The following PCDHGA1 variants were observed in gnomAD, a reference collection of about 807,000 sequenced individuals.
PCDHGA1 encodes protocadherin gamma subfamily A, 1.
A neutral mutation model predicts 58.0 loss-of-function variants in PCDHGA1; 32 were observed. That is an observed-to-expected ratio of 0.55 (90% CI 0.42 to 0.74). The LOEUF (loss-of-function observed/expected upper bound fraction) is 0.74, where lower values mean the gene tolerates loss of function less well. Ranked by LOEUF, PCDHGA1 falls within the 30% of genes least tolerant of loss-of-function variation. The pLI is 0.00. For synonymous variants in PCDHGA1, 498 were observed against 501.1 expected (o/e 0.99, Z 0.08); for missense variants, 1,205 against 1,182.3 (o/e 1.02, Z -0.28).
intron 1 of PCDHGA1, chr5:141,410,939 C>T (rs960754863): frequency 5.1e-5 from 10 of 195,446 alleles, no homozygotes; most frequent in South Asian, 1.1e-4. Flanking sequence ...CTGCAACCTC[C>T]GCCTTCTGGG....
At chr5:141,395,557 T>C (rs1405901510) in intron 1 of PCDHGA1, 1 of 136,750 alleles carries the variant, frequency 7.3e-6, no homozygotes, top group East Asian at 1.5e-4. Context: ...TGTGTGTGTG[T>C]GTGTGTGTGT....
At chr5:141,424,297 A>G (rs2096812591) in intron 1 of PCDHGA1, 1 of 152,466 alleles carries the variant, frequency 6.6e-6, no homozygotes, top group African/African-American at 2.4e-5. Flanking sequence ...TCTTCATCCT[A>G]TCAACACAGA....
In PCDHGA1 at chr5:141,428,146, C is replaced by G. The variant is rs549173211; in HGVS notation, c.2422-66661C>G. The G allele has an allele frequency of 1.3e-5, 21 of 1,589,348 alleles. No individual in the cohort carries two copies. The East Asian group carries it at 4.0e-4, about 30-fold the overall frequency. Reference sequence around the variant, plus strand: ...GGGCTTTTCAGCCTGGGGCTGCACACGGGAACCTGCTGGTTGCTGTGCGTG... The same window carrying G: ...GGGCTTTTCAGCCTGGGGCTGCACAGGGGAACCTGCTGGTTGCTGTGCGTG... On this transcript the variant is annotated intron_variant, in intron 1 of 3. Transcript: ENST00000517417.
At chr5:141,336,449 A>T (rs1756620099) in intron 1 of PCDHGA1, among the ~76,000 whole-genome samples, 1 of 152,258 alleles carries the variant, frequency 6.6e-6, no homozygotes, top group Non-Finnish European at 1.5e-5. Flanking sequence ...GTGAGTTGGT[A>T]TCAATTATTT....
chr5:141,459,827 A>T (rs779024675), intron 1 of PCDHGA1, among the ~76,000 whole-genome samples: 1 of 152,126 alleles, frequency 6.6e-6, no homozygotes, highest in Non-Finnish European at 1.5e-5. Context: ...GCAACTTTTC[A>T]TGTGTTGTCT....
At chr5:141,394,686 G>A in intron 1 of PCDHGA1, 4 of 1,612,316 alleles carry the variant, frequency 2.5e-6, no homozygotes, top group Non-Finnish European at 3.4e-6. Context: ...GCACACGGGC[G>A]AGGTGCGCAC....
At chr5:141,390,447 G>C (rs941574561) in intron 1 of PCDHGA1, 12 of 843,730 alleles carry the variant, frequency 1.4e-5, no homozygotes, top group Admixed American at 2.9e-5. Flanking sequence ...TACAAAGGAG[G>C]AGTAAAGTAG....
chr5:141,497,466 G>T (rs1047422582), intron 2 of PCDHGA1, among the ~76,000 whole-genome samples: 2 of 152,020 alleles, frequency 1.3e-5, no homozygotes, highest in African/African-American at 4.8e-5. Flanking sequence ...TGGAGATATG[G>T]AGGAGAAGGT....
At chr5:141,398,633 A>C (rs749131705) in intron 1 of PCDHGA1, 4 of 1,613,946 alleles carry the variant, frequency 2.5e-6, no homozygotes, top group Non-Finnish European at 3.4e-6. Flanking sequence ...TCTCTGCAGA[A>C]GTATAAACTC....
Position 141,487,819 on chromosome 5 carries a change from C to T in PCDHGA1, c.2422-6988C>T, listed in dbSNP as rs559702138. 28 of 1,285,530 alleles carry T rather than the reference C, an allele frequency of 2.2e-5. No homozygotes were observed. The highest frequency in any genetic ancestry group is 7.6e-5 in the East Asian group (3 of 39,466). 79.6% of individuals were successfully genotyped at this position (1,285,530 alleles called of 1,614,324 possible). ...AGTTGTCACAGTTTAGCATTGGGGG[C>T]GGGTCATGCCTATATCTGAGTAAGA... is the stretch of plus-strand genomic sequence containing the variant. On this transcript the variant is annotated intron_variant, in intron 1 of 3. Transcript: ENST00000517417. The surrounding 1 kb of genome is among the most constrained non-coding windows in gnomAD (Gnocchi z 5.0).
chr5:141,421,464 T>A lies in PCDHGA1; in HGVS notation c.2422-73343T>A, dbSNP rs773727821. ...GGAAGACACAGCTTTTCGCTGTGAA[T>A]CCGCGAAGCGGCAGCTTGATCACGG... On this transcript the variant is annotated intron_variant, in intron 1 of 3. Transcript: ENST00000517417. 17 of 1,613,972 alleles carry A rather than the reference T, an allele frequency of 1.1e-5. No individual in the cohort carries two copies. In the East Asian group the frequency reaches 3.6e-4, roughly 34 times the overall value.
At chr5:141,430,595 G>C (rs549786394) in intron 1 of PCDHGA1, 1 of 567,016 alleles carries the variant, frequency 1.8e-6, no homozygotes. Flanking sequence ...CCTTGCACGC[G>C]CCTGAAGCAC....
chr5:141,365,099 G>A (rs767635242), intron 1 of PCDHGA1: 1 of 1,613,850 alleles, frequency 6.2e-7, no homozygotes, highest in East Asian at 2.2e-5. Flanking sequence ...GAACATACCT[G>A]TGGGCACTCG....
At chr5:141,362,573 T>A in intron 1 of PCDHGA1, 1 of 1,605,780 alleles carries the variant, frequency 6.2e-7, no homozygotes, top group South Asian at 1.1e-5. Flanking sequence ...TTTAATTAAT[T>A]TATTTTCACT....
intron 2 of PCDHGA1, among the ~76,000 whole-genome samples, chr5:141,497,006 T>C (rs947830895): frequency 1.3e-5 from 2 of 151,678 alleles, no homozygotes; most frequent in South Asian, 2.1e-4. Context: ...GCAGCCAACA[T>C]GGTGAAACCC....
At chr5:141,352,689 G>C (rs889456769) in intron 1 of PCDHGA1, 9 of 1,560,606 alleles carry the variant, frequency 5.8e-6, no homozygotes, top group South Asian at 1.2e-5. Context: ...TGCAAATCTA[G>C]TTAAATTTTA....
intron 1 of PCDHGA1, chr5:141,419,944 C>T (rs1375807568): frequency 6.2e-7 from 1 of 1,614,066 alleles, no homozygotes; most frequent in South Asian, 1.1e-5. Flanking sequence ...TGGTGGTGGC[C>T]TTGGCCTTGA....
intron 2 of PCDHGA1, among the ~76,000 whole-genome samples, chr5:141,501,988 T>C (rs2099812189): frequency 6.6e-6 from 1 of 152,056 alleles, no homozygotes; most frequent in Non-Finnish European, 1.5e-5. Flanking sequence ...GGTCCCGTTG[T>C]CTCCCTGACA....
intron 1 of PCDHGA1, chr5:141,364,513 G>A (rs1027493241): frequency 3.1e-6 from 5 of 1,613,934 alleles, no homozygotes; most frequent in South Asian, 1.1e-5. Context: ...AGCTGGCGGA[G>A]CGCGGAGTCC....
Sources: gnomAD v4.1 joint callset for allele counts (sites outside exome capture counted in the v4.1 genomes callset) on GRCh38, gnomAD v4.1.1 for gene constraint, Gnocchi (gnomAD v3.1) non-coding constraint, MANE v1.5 for transcripts, NCBI Gene and HGNC (gene_info 2026-07-23, HGNC 2026-07-21) for gene names.